Variants in KRT73 observed in about 807,000 individuals in gnomAD.
KRT73 encodes the protein keratin 73.
A neutral mutation model predicts 47.2 loss-of-function variants in KRT73; 44 were observed. The observed-to-expected ratio is 0.93, with a 90% CI of 0.73 to 1.20. KRT73 has a LOEUF of 1.20. KRT73 is among the 50% of genes most tolerant of loss of function. The pLI, the probability that KRT73 is intolerant of heterozygous loss-of-function variation, is 0.00. For missense variants in KRT73, 713 were observed against 704.5 expected, an observed-to-expected ratio of 1.01 and a Z score of -0.14; for synonymous variants, 285 against 291.3, an observed-to-expected ratio of 0.98 and a Z score of 0.22.
Position 52,611,339 on chromosome 12 carries a change from A to G in KRT73, c.985-10T>C, listed in dbSNP as rs1940699172. On this transcript the variant is annotated splice_polypyrimidine_tract_variant and intron_variant, in intron 5 of 8. Coordinates refer to ENST00000305748, the MANE Select transcript of KRT73 (RefSeq NM_175068.3). ...GCTGCAGCTCCTGGAACTAGAGGAA[A>G]AGGAACCAAAGCAAGAACACTGACT... The G allele has an allele frequency of 6.2e-7, 1 of 1,613,892 alleles. No individual in the cohort carries two copies. Among genetic ancestry groups the G allele is most frequent in the African/African-American group, 1.3e-5 (1 of 74,926 alleles).
At chr12:52,627,909 G>A in the KRT73 span, among the ~76,000 whole-genome samples, 1 of 152,088 alleles carries the variant, frequency 6.6e-6, no homozygotes, top group African/African-American at 2.4e-5. Flanking sequence ...GAACATGTGT[G>A]TGTGTGTGTG....
At chr12:52,612,601 G>A (rs1940725237) in intron 5 of KRT73, 1 of 152,228 alleles carries the variant, frequency 6.6e-6, no homozygotes, top group Admixed American at 6.5e-5. Flanking sequence ...CCGCAAGGCT[G>A]TGTGAGCAGG....
chr12:52,614,665 C>T lies in KRT73; in HGVS notation c.733G>A (p.Ala245Thr), dbSNP rs751409603. ...EFVVLKKDVD[A>T]AYTSKVELQA... ...AGCTCCACTTTGCTCGTGTAAGCTG[C>T]GTCCACGTCCTATGGAGAATCCAGA... The change falls in exon 4 of 9, where the codon GCA (alanine) becomes ACA (threonine). Residue 245 changes from alanine to threonine, a missense_variant. Ala to Thr is a moderately conservative substitution (Grantham distance 58, BLOSUM62 0). Coordinates refer to ENST00000305748, the MANE Select transcript of KRT73 (RefSeq NM_175068.3). 14 of 1,613,132 alleles carry T rather than the reference C, an allele frequency of 8.7e-6. No homozygotes were observed. The highest frequency in any genetic ancestry group is 3.3e-5 in the Admixed American group (2 of 59,928).
Position 52,613,690 on chromosome 12 carries a change from T to G in KRT73, c.982A>C (p.Lys328Gln). ...KAEAEALYQT[K>Q]FQELQLAAGR... ...TATGGGGAGTTTTGCGGCCTCACCT[T>G]GGTCTGGTACAGGGCCTCGGCCTCG... Residue 328 changes from lysine to glutamine, a missense_variant and splice_region_variant, in exon 5 of 9, where the codon AAG (lysine) becomes CAG (glutamine). Transcript: ENST00000305748. 1 of 1,614,052 alleles carries G rather than the reference T, an allele frequency of 6.2e-7. No individual in the cohort carries two copies.
upstream of KRT73, among the ~76,000 whole-genome samples, chr12:52,622,545 C>T (rs117509644): frequency 2.9e-3 from 449 of 152,274 alleles, 15 homozygotes; most frequent in East Asian, 0.051. Flanking sequence ...AGAGACCACA[C>T]GTGTGCTGGG....
the KRT73 span, among the ~76,000 whole-genome samples, chr12:52,625,969 G>A: frequency 6.8e-6 from 1 of 146,332 alleles, no homozygotes; most frequent in East Asian, 2.0e-4. Flanking sequence ...CAGAAATGGG[G>A]AACAGATTAG....
At chr12:52,628,488 A>T in the KRT73 span, among the ~76,000 whole-genome samples, 1 of 152,224 alleles carries the variant, frequency 6.6e-6, no homozygotes, top group Non-Finnish European at 1.5e-5. Context: ...GAGGCCTTGT[A>T]AAATGAAACA....
Position 52,613,535 on chromosome 12 carries a change from G to C in KRT73, c.984+153C>G, listed in dbSNP as rs1376479761. The C allele has an allele frequency of 1.3e-5, 19 of 1,417,206 alleles. No individual in the cohort carries two copies. In the Admixed American group the frequency reaches 3.7e-4, roughly 27 times the overall value. The allele number at this position is 1,417,206 out of a possible 1,614,324, so 87.8% of individuals were successfully genotyped here. ...AAGTGGGTGCCAAGGACAGAGCTGT[G>C]TCTTCTCCTCCCCTTTGGCTTCCCC... On this transcript the variant is annotated intron_variant, in intron 5 of 8. Coordinates refer to ENST00000305748, the MANE Select transcript of KRT73 (RefSeq NM_175068.3).
upstream of KRT73, among the ~76,000 whole-genome samples, chr12:52,621,294 G>A (rs200433843): frequency 2.2e-3 from 314 of 140,184 alleles, 6 homozygotes; most frequent in African/African-American, 5.7e-3. Context: ...AAAGAAAGGG[G>A]GGGGGGGGGA....
At position 52,608,379 on chromosome 12, in the gene KRT73, G is replaced by A. The variant is rs114995859; in HGVS notation, c.1440C>T (p.Tyr480=). 288 of 1,613,130 alleles carry A rather than the reference G, an allele frequency of 1.8e-4. No individual in the cohort carries two copies. Among genetic ancestry groups the A allele is most frequent in the Middle Eastern group, 3.7e-4 (2 of 5,346 alleles). ...CGCTGACAGAGCTGGGCCAGTAGCC[G>A]TAGGTGCCAGCATTGCTGAATCCAA... ...AGFGFSNAGT[Y]GYWPSSVSGG... The change falls in exon 9 of 9, where the codon TAC becomes TAT. Residue 480 remains tyrosine (Y), a synonymous_variant. Transcript: ENST00000305748.
chr12:52,621,313 G>A (rs866484240), upstream of KRT73, among the ~76,000 whole-genome samples: 188 of 150,246 alleles, frequency 1.3e-3, 2 homozygotes, highest in Non-Finnish European at 2.0e-3. Context: ...GAGAGAGAAA[G>A]AGAGAGAGAG....
At position 52,609,450 on chromosome 12, in the gene KRT73, C is replaced by T. The variant is rs189442885; in HGVS notation, c.1332-169G>A. The stretch of plus-strand genomic sequence containing the variant: ...TTGCATGTCTCTAAGCCCTCCCTCT[C>T]GCTCCTCAATCTACTCTTCCCACTG... On this transcript the variant is annotated intron_variant, in intron 7 of 8. Transcript: ENST00000305748. Among the ~76,000 whole-genome samples, 8 of 152,262 alleles carry T rather than the reference C, an allele frequency of 5.3e-5. No homozygotes were observed. The East Asian group carries it at 5.8e-4, about 11-fold the overall frequency.
intron 5 of KRT73, 24 bp downstream of exon 5, chr12:52,613,664 C>T: frequency 1.9e-6 from 3 of 1,613,464 alleles, no homozygotes; most frequent in Non-Finnish European, 2.5e-6. Flanking sequence ...GCATACTTCA[C>T]TATGGGGAGT....
chr12:52,630,322 AC>A, the KRT73 span, among the ~76,000 whole-genome samples: 1 of 152,206 alleles, frequency 6.6e-6, no homozygotes, highest in East Asian at 1.9e-4. Flanking sequence ...TGGGTCACCC[AC>A]CTGCACGCCT....
At chr12:52,624,062 A>G in the KRT73 span, among the ~76,000 whole-genome samples, 2 of 152,016 alleles carry the variant, frequency 1.3e-5, no homozygotes, top group Non-Finnish European at 2.9e-5. Context: ...AACCAACTAT[A>G]TGCTATCTCC....
the KRT73 span, among the ~76,000 whole-genome samples, chr12:52,624,974 T>G: frequency 2.0e-5 from 3 of 152,282 alleles, no homozygotes; most frequent in Admixed American, 1.3e-4. Flanking sequence ...GATTTAAGTT[T>G]CATATTTTGC....
intron 3 of KRT73, chr12:52,614,875 C>A: frequency 3.6e-6 from 2 of 560,046 alleles, no homozygotes; most frequent in Non-Finnish European, 3.2e-6. Context: ...CTCTGGAACT[C>A]CTTCTGCCTC....
At chr12:52,617,274 T>C (rs1370786359) in intron 1 of KRT73, among the ~76,000 whole-genome samples, 1 of 152,198 alleles carries the variant, frequency 6.6e-6, no homozygotes, top group Non-Finnish European at 1.5e-5. Context: ...AAGTCTCTGC[T>C]TCCCAATACC....
chr12:52,613,993 C>T, intron 4 of KRT73, 141 bp from the exon 5 acceptor site: 1 of 1,316,824 alleles, frequency 7.6e-7, no homozygotes, highest in Non-Finnish European at 1.0e-6. Flanking sequence ...AAGAACAGAG[C>T]TCACAGCCCA....
Sources: gnomAD v4.1 joint callset for allele counts (sites outside exome capture counted in the v4.1 genomes callset) on GRCh38, gnomAD v4.1.1 for gene constraint, MANE v1.5 for transcripts, NCBI Gene and HGNC (gene_info 2026-07-23, HGNC 2026-07-21) for gene names.